The following FILIP1 variants were observed in gnomAD, a reference collection of about 807,000 sequenced individuals.
FILIP1 encodes the protein filamin-A-interacting protein 1.
A neutral mutation model predicts 102.1 loss-of-function variants in FILIP1; 61 were observed. That is an observed-to-expected ratio of 0.60 (90% CI 0.49 to 0.74). The LOEUF (loss-of-function observed/expected upper bound fraction) is 0.74. Among genes scored for constraint, FILIP1 ranks in the 30% least tolerant of loss-of-function variants. The pLI is 0.00. For missense variants in FILIP1, 1,314 were observed against 1,441.2 expected (o/e 0.91, Z 1.43); for synonymous variants, 491 against 526.9 (o/e 0.93, Z 0.93).
At chr6:75,446,033 A>C (rs1252210332) in intron 1 of FILIP1, among the ~76,000 whole-genome samples, 1 of 152,200 alleles carries the variant, frequency 6.6e-6, no homozygotes, top group African/African-American at 2.4e-5. Context: ...TAATGTCAAA[A>C]TATATAATCA....
chr6:75,326,874 T>C (rs1333568566), intron 4 of FILIP1, among the ~76,000 whole-genome samples: 11 of 152,248 alleles, frequency 7.2e-5, no homozygotes, highest in African/African-American at 2.7e-4. Context: ...ATTGTCAAGA[T>C]GCCCCTTGGA....
chr6:75,319,452 A>C, intron 4 of FILIP1: 1 of 611,804 alleles, frequency 1.6e-6, no homozygotes. Context: ...TCTCTTTCAT[A>C]ATGGGCCTTG....
intron 4 of FILIP1, among the ~76,000 whole-genome samples, chr6:75,320,151 G>A (rs1773600487): frequency 6.6e-6 from 1 of 152,202 alleles, no homozygotes. Context: ...TAGCTGCCAT[G>A]TTTGTCTTGT....
intron 4 of FILIP1, among the ~76,000 whole-genome samples, chr6:75,344,304 C>T (rs1189263421): frequency 6.6e-6 from 1 of 152,186 alleles, no homozygotes. Flanking sequence ...CCACCTCAGT[C>T]TCTCTAATGT....
At chr6:75,297,802 T>A (rs1772722583) in intron 6 of FILIP1, among the ~76,000 whole-genome samples, 1 of 152,182 alleles carries the variant, frequency 6.6e-6, no homozygotes, top group Non-Finnish European at 1.5e-5. Context: ...TATCTCCAAT[T>A]TCCTTCCCTT....
At chr6:75,386,752 G>C (rs565715768) in intron 2 of FILIP1, among the ~76,000 whole-genome samples, 39 of 152,218 alleles carry the variant, frequency 2.6e-4, no homozygotes, top group African/African-American at 9.4e-4. Flanking sequence ...TAAAGTGGAG[G>C]CACTTGGTAC....
In FILIP1 at chr6:75,401,011, C is replaced by CT. The variant is rs569624923; in HGVS notation, c.276+13685dup. 6.9e-3 allele frequency among the ~76,000 whole-genome samples: 1,005 copies of CT among 146,312 alleles called. 6 individuals carry two copies. The highest frequency in any genetic ancestry group is 0.01 in the Admixed American group (151 of 14,536). On this transcript the variant is annotated intron_variant, in intron 2 of 5. Transcript: ENST00000237172. Reference sequence around the variant, plus strand: ...AACATCTATAAAGCGTTTAAGTGTCCTTTTTAAAAAAAAAAATCAGAACAA... The same window carrying CT: ...AACATCTATAAAGCGTTTAAGTGTCCTTTTTTAAAAAAAAAAATCAGAACAA...
chr6:75,339,565 T>C (rs1025863954), intron 4 of FILIP1, among the ~76,000 whole-genome samples: 1 of 152,208 alleles, frequency 6.6e-6, no homozygotes, highest in Non-Finnish European at 1.5e-5. Flanking sequence ...AAGCAATTTG[T>C]TTTATGCAGC....
chr6:75,434,504 G>C (rs1034796048), intron 1 of FILIP1, among the ~76,000 whole-genome samples: 4 of 152,182 alleles, frequency 2.6e-5, no homozygotes, highest in African/African-American at 2.4e-5. Flanking sequence ...TATTATTGGT[G>C]TAAAGGAATG....
At chr6:75,309,251 C>G (rs1362985475) in intron 5 of FILIP1, among the ~76,000 whole-genome samples, 1 of 152,178 alleles carries the variant, frequency 6.6e-6, no homozygotes, top group Non-Finnish European at 1.5e-5. Flanking sequence ...TAAATTAACT[C>G]TACACTCCCT....
At chr6:75,459,288 T>C (rs1283511590) in intron 1 of FILIP1, among the ~76,000 whole-genome samples, 1 of 152,230 alleles carries the variant, frequency 6.6e-6, no homozygotes, top group African/African-American at 2.4e-5. Flanking sequence ...TTGAGTTTTT[T>C]AAAACGCAGT....
At position 75,308,705 on chromosome 6, in the gene FILIP1, C is replaced by A. The variant is rs138460165; in HGVS notation, c.3628G>T (p.Gly1210Trp). 1.5e-5 allele frequency: 24 copies of A among 1,613,084 alleles called. No homozygotes were observed. In the African/African-American group the frequency reaches 2.9e-4, roughly 20 times the overall value. ...SAASSTTSLG[G>W]GKG ...AGCCACTGCCCTCAGCCCTTCCCCC[C>A]TCCGAGAGAGGTGGTGCTGCTGGCT... The change falls in exon 6 of 6, where the codon GGG becomes TGG. Residue 1210 changes from glycine to tryptophan, a missense_variant. Around this residue, in one of 3 missense-constraint regions of FILIP1, gnomAD observed 816 missense variants for 913.1 expected, o/e 0.89. Coordinates refer to ENST00000237172, the MANE Select transcript of FILIP1 (RefSeq NM_015687.5).
chr6:75,332,195 C>A (rs1199636487), intron 4 of FILIP1, among the ~76,000 whole-genome samples: 1 of 152,132 alleles, frequency 6.6e-6, no homozygotes, highest in Non-Finnish European at 1.5e-5. Flanking sequence ...CTTTCTCAAC[C>A]TTAAGGTTTC....
intron 1 of FILIP1, among the ~76,000 whole-genome samples, chr6:75,445,389 C>T (rs1217176914): frequency 2.6e-5 from 4 of 152,004 alleles, no homozygotes; most frequent in African/African-American, 9.7e-5. Context: ...CTAAACACAC[C>T]ACCCTTTCTC....
chr6:75,297,945 C>G (rs553085635), intron 6 of FILIP1, among the ~76,000 whole-genome samples: 1 of 152,294 alleles, frequency 6.6e-6, no homozygotes, highest in African/African-American at 2.4e-5. Context: ...TCAGGGTTAA[C>G]ATTTTGTATT....
chr6:75,462,802 C>T (rs150144698), intron 1 of FILIP1, among the ~76,000 whole-genome samples: 2,463 of 152,216 alleles, frequency 0.016, 29 homozygotes, highest in South Asian at 0.063. Flanking sequence ...TCTATACAAG[C>T]TGCCCCCATC....
At chr6:75,294,241 G>A (rs867172284) in exon 7 of FILIP1, 2 of 152,134 alleles carry the variant, frequency 1.3e-5, no homozygotes, top group African/African-American at 2.4e-5. Context: ...CACAACCTGT[G>A]AACTAGAGAA....
At chr6:75,490,769 A>G (rs888087926) in intron 1 of FILIP1, among the ~76,000 whole-genome samples, 6 of 152,124 alleles carry the variant, frequency 3.9e-5, no homozygotes, top group African/African-American at 1.4e-4. Flanking sequence ...ACATGAGTGT[A>G]GTTAAAAGTG....
intron 4 of FILIP1, among the ~76,000 whole-genome samples, chr6:75,331,933 A>G (rs962210061): frequency 6.6e-5 from 10 of 152,134 alleles, no homozygotes; most frequent in Non-Finnish European, 1.5e-4. Flanking sequence ...CATGAATGGG[A>G]TTACTACCTT....
Sources: allele counts gnomAD v4.1 joint callset (sites outside exome capture counted in the v4.1 genomes callset), GRCh38; gene constraint gnomAD v4.1.1; regional missense constraint gnomAD v4.1.1; transcripts MANE v1.5; gene names NCBI Gene and HGNC (gene_info 2026-07-23, HGNC 2026-07-21).